LRP1B: variants seen among roughly 807,000 people sequenced by gnomAD.
The protein encoded by LRP1B is LDL receptor related protein 1B.
A neutral mutation model predicts 556.6 loss-of-function variants in LRP1B; 217 were observed. That is an observed-to-expected ratio of 0.39 (90% CI 0.35 to 0.44). LRP1B has a LOEUF of 0.44. Ranked by LOEUF, LRP1B falls within the 20% of genes least tolerant of loss-of-function variation. The pLI is 1.00. For missense variants in LRP1B, 5,053 were observed against 5,620.8 expected, an observed-to-expected ratio of 0.90 and a Z score of 3.23; for synonymous variants, 2,047 against 1,865.8, an observed-to-expected ratio of 1.10 and a Z score of -2.50.
chr2:141,587,049 AC>A (rs200099138), intron 2 of LRP1B, among the ~76,000 whole-genome samples: 4,289 of 152,298 alleles, frequency 0.028, 96 homozygotes, highest in South Asian at 0.067. Context: ...TGGCACGTAA[AC>A]AAACTGACTC....
intron 3 of LRP1B, among the ~76,000 whole-genome samples, chr2:141,351,734 G>T (rs1264642031): frequency 1.3e-5 from 2 of 151,960 alleles, no homozygotes; most frequent in African/African-American, 4.8e-5. Context: ...GAAATTACAT[G>T]CTTGAGGGAG....
intron 18 of LRP1B, among the ~76,000 whole-genome samples, chr2:140,956,658 T>C (rs183212937): frequency 1.6e-4 from 24 of 151,776 alleles, no homozygotes; most frequent in African/African-American, 5.8e-4. Flanking sequence ...GAAAACGATA[T>C]GAGAGTAGTG....
chr2:141,730,041 G>C (rs1024274851), intron 2 of LRP1B, among the ~76,000 whole-genome samples: 5 of 152,090 alleles, frequency 3.3e-5, no homozygotes, highest in Non-Finnish European at 1.5e-5. Context: ...CAGACACAAA[G>C]GCAAAACTGT....
intron 35 of LRP1B, among the ~76,000 whole-genome samples, chr2:140,740,543 C>A (rs560063150): frequency 3.2e-4 from 48 of 152,196 alleles, no homozygotes; most frequent in African/African-American, 1.1e-3. Flanking sequence ...TAAAAGACTG[C>A]AAATAGGGTG....
chr2:141,047,119 G>A (rs1368360708), intron 11 of LRP1B, among the ~76,000 whole-genome samples: 5 of 151,486 alleles, frequency 3.3e-5, no homozygotes, highest in Admixed American at 6.6e-5. Context: ...ACAAAACAAC[G>A]TAAATTTTAT....
intron 41 of LRP1B, among the ~76,000 whole-genome samples, chr2:140,606,337 C>A (rs1334654343): frequency 1.3e-5 from 2 of 151,524 alleles, no homozygotes; most frequent in East Asian, 3.9e-4. Context: ...AACATATGCA[C>A]CCAAACTACA....
intron 1 of LRP1B, among the ~76,000 whole-genome samples, chr2:142,097,152 T>C (rs1706403894): frequency 6.6e-6 from 1 of 151,696 alleles, no homozygotes; most frequent in African/African-American, 2.4e-5. Context: ...TCTATTAGAA[T>C]GTAAGCACTT....
At chr2:140,873,327 A>G (rs1186680310) in intron 25 of LRP1B, among the ~76,000 whole-genome samples, 2 of 152,234 alleles carry the variant, frequency 1.3e-5, no homozygotes, top group Admixed American at 1.3e-4. Context: ...AAACAGCTGC[A>G]TCTTAAATTT....
At chr2:140,536,743 T>G in intron 45 of LRP1B, 34 bp from the exon 46 acceptor site, 2 of 1,547,560 alleles carry the variant, frequency 1.3e-6, no homozygotes, top group Non-Finnish European at 1.7e-6. Flanking sequence ...AATACTTTTG[T>G]GCAATGGCAA....
intron 1 of LRP1B, among the ~76,000 whole-genome samples, chr2:142,053,077 A>G (rs774228460): frequency 1.5e-4 from 23 of 152,254 alleles, no homozygotes; most frequent in Admixed American, 2.6e-4. Flanking sequence ...ACAAACAAAA[A>G]TAAATAAGAT....
At chr2:141,069,528 T>C (rs944871721) in intron 7 of LRP1B, among the ~76,000 whole-genome samples, 35 of 152,048 alleles carry the variant, frequency 2.3e-4, no homozygotes, top group African/African-American at 8.5e-4. Context: ...TGGTACAACT[T>C]GATTTGTTTA....
chr2:141,759,477 T>C (rs1416334334), intron 2 of LRP1B, among the ~76,000 whole-genome samples: 2 of 152,230 alleles, frequency 1.3e-5, no homozygotes, highest in East Asian at 3.9e-4. Context: ...TTGTGGATCA[T>C]TAGCATTTTT....
At chr2:141,003,554 G>C (rs2105371432) in intron 15 of LRP1B, among the ~76,000 whole-genome samples, 1 of 152,080 alleles carries the variant, frequency 6.6e-6, no homozygotes, top group East Asian at 1.9e-4. Context: ...CATGAGATCT[G>C]ATTATTTTAA....
At chr2:141,354,556 T>G (rs1688556686) in intron 3 of LRP1B, among the ~76,000 whole-genome samples, 1 of 152,108 alleles carries the variant, frequency 6.6e-6, no homozygotes. Flanking sequence ...AATATAAATA[T>G]TCTTACAGAA....
intron 2 of LRP1B, among the ~76,000 whole-genome samples, chr2:141,570,316 G>T (rs941849423): frequency 6.6e-6 from 1 of 150,826 alleles, no homozygotes; most frequent in Non-Finnish European, 1.5e-5. Flanking sequence ...AGAGCCACAC[G>T]GGGCAGGGGA....
chr2:140,647,754 AG>A (rs1684535272), intron 41 of LRP1B, among the ~76,000 whole-genome samples: 1 of 152,216 alleles, frequency 6.6e-6, no homozygotes, highest in South Asian at 2.1e-4. Flanking sequence ...ATCTCACACC[AG>A]TTAGAATGGC....
At chr2:140,281,258 G>C (rs375059900) in intron 84 of LRP1B, among the ~76,000 whole-genome samples, 4 of 151,912 alleles carry the variant, frequency 2.6e-5, no homozygotes, top group African/African-American at 9.7e-5. Context: ...TTTATGGAAA[G>C]CCATATAGCT....
chr2:140,835,629 C>T (rs191037667), intron 31 of LRP1B, among the ~76,000 whole-genome samples: 171 of 152,250 alleles, frequency 1.1e-3, no homozygotes, highest in African/African-American at 3.9e-3. Flanking sequence ...CCTCCGCCTC[C>T]CAGGTTCAAA....
At chr2:140,948,826 T>TA (rs931011349) in intron 20 of LRP1B, among the ~76,000 whole-genome samples, 6 of 151,706 alleles carry the variant, frequency 4.0e-5, no homozygotes, top group African/African-American at 7.2e-5. Flanking sequence ...CCAGGTAAAT[T>TA]AAAAAATCAC....
Sources: gnomAD v4.1 joint callset for allele counts (sites outside exome capture counted in the v4.1 genomes callset) on GRCh38, gnomAD v4.1.1 for gene constraint, MANE v1.5 for transcripts, NCBI Gene and HGNC (gene_info 2026-07-23, HGNC 2026-07-21) for gene names.